The following ARAP2 variants were observed in gnomAD, a reference collection of about 807,000 sequenced individuals.
ARAP2 encodes the protein arf-GAP with Rho-GAP domain, ANK repeat and PH domain-containing protein 2.
A neutral mutation model predicts 194.5 loss-of-function variants in ARAP2; 148 were observed. The ratio of observed to expected loss-of-function variants is 0.76; its 90% confidence interval spans 0.67 to 0.87. The LOEUF is 0.87. Among genes scored for constraint, ARAP2 ranks in the 40% least tolerant of loss-of-function variants. The pLI is 0.00. For synonymous variants in ARAP2, 695 were observed against 683.5 expected, an observed-to-expected ratio of 1.02 and a Z score of -0.26; for missense variants, 2,128 against 1,989.7, an observed-to-expected ratio of 1.07 and a Z score of -1.32.
chr4:36,012,734 T>A (rs1469298652), exon 9 of ARAP2: 1 of 152,176 alleles, frequency 6.6e-6, no homozygotes, highest in African/African-American at 2.4e-5. Context: ...GAAAGGAGAT[T>A]CCAGGGTTAC....
At chr4:36,029,390 C>A (rs1268696970) in intron 5 of ARAP2, among the ~76,000 whole-genome samples, 1 of 151,836 alleles carries the variant, frequency 6.6e-6, no homozygotes, top group Non-Finnish European at 1.5e-5. Context: ...AACTGGATTC[C>A]ACCTCAACTT....
intron 8 of ARAP2, among the ~76,000 whole-genome samples, chr4:36,014,870 T>C (rs1186156927): frequency 7.9e-5 from 12 of 152,270 alleles, no homozygotes; most frequent in African/African-American, 2.9e-4. Flanking sequence ...TCTCTCCCTG[T>C]GTGAAAGATT....
chr4:36,116,169 C>T (rs1164459257), intron 25 of ARAP2, among the ~76,000 whole-genome samples: 1 of 151,896 alleles, frequency 6.6e-6, no homozygotes, highest in South Asian at 2.1e-4. Flanking sequence ...ATTAATATTT[C>T]AGCTTCATGT....
intron 32 of ARAP2, among the ~76,000 whole-genome samples, chr4:36,069,719 A>T (rs1349390712): frequency 6.6e-6 from 1 of 152,200 alleles, no homozygotes; most frequent in Non-Finnish European, 1.5e-5. Context: ...CATAATGCTG[A>T]AATTTCAAGT....
chr4:36,151,062 A>G lies in ARAP2; in HGVS notation c.2753-18T>C. 1 of 1,575,980 alleles carries G rather than the reference A, an allele frequency of 6.3e-7. No individual in the cohort carries two copies. Among genetic ancestry groups the G allele is most frequent in the Non-Finnish European group, 8.6e-7 (1 of 1,166,408 alleles). On this transcript the variant is annotated intron_variant, in intron 15 of 32. Coordinates refer to ENST00000303965, the MANE Select transcript of ARAP2 (RefSeq NM_015230.4). ...ATTTGTCTCTAAGAATTTGAAACAA[A>G]ACAAATAACAAATTGAGCTAATCAC... is the stretch of plus-strand genomic sequence containing the variant.
chr4:36,123,997 T>A (rs1277166634), intron 22 of ARAP2, among the ~76,000 whole-genome samples: 3 of 151,862 alleles, frequency 2.0e-5, no homozygotes, highest in Non-Finnish European at 4.4e-5. Context: ...TTAAAGTTTG[T>A]CTCAACATCT....
chr4:36,091,094 T>C (rs568700433), intron 28 of ARAP2, among the ~76,000 whole-genome samples: 42 of 152,228 alleles, frequency 2.8e-4, no homozygotes, highest in Admixed American at 1.4e-3. Flanking sequence ...GCTCCGTGAA[T>C]TTTAATAAAG....
At chr4:36,186,634 C>T (rs1740637916) in intron 8 of ARAP2, among the ~76,000 whole-genome samples, 1 of 152,226 alleles carries the variant, frequency 6.6e-6, no homozygotes, top group African/African-American at 2.4e-5. Flanking sequence ...TATCTACAGC[C>T]ACTCCTGGCT....
intron 5 of ARAP2, among the ~76,000 whole-genome samples, chr4:36,042,937 G>A (rs1437405285): frequency 1.3e-5 from 2 of 151,438 alleles, no homozygotes; most frequent in Non-Finnish European, 2.9e-5. Context: ...CTGCCTCCCA[G>A]GTTCAAGCAA....
chr4:36,195,488 C>A (rs1423085903), intron 6 of ARAP2, among the ~76,000 whole-genome samples: 1 of 152,228 alleles, frequency 6.6e-6, no homozygotes, highest in Non-Finnish European at 1.5e-5. Flanking sequence ...GAAATACATA[C>A]CTTCTAACAC....
At chr4:36,135,382 T>A (rs1726446516) in intron 19 of ARAP2, among the ~76,000 whole-genome samples, 1 of 151,838 alleles carries the variant, frequency 6.6e-6, no homozygotes, top group African/African-American at 2.4e-5. Context: ...CAAAGATACC[T>A]GCACCTTACC....
At chr4:36,125,678 A>G (rs563021073) in intron 21 of ARAP2, among the ~76,000 whole-genome samples, 22 of 152,136 alleles carry the variant, frequency 1.4e-4, no homozygotes, top group African/African-American at 5.3e-4. Context: ...GACTCCAAGA[A>G]GGCAAATATC....
rs188000414 is a variant in ARAP2 at position 36,044,806 on chromosome 4, G to A, written n.607+1173C>T. 8.6e-5 allele frequency among the ~76,000 whole-genome samples: 13 copies of A among 152,020 alleles called. No homozygotes were observed. In the East Asian group the frequency reaches 2.5e-3, roughly 29 times the overall value. ...TATTTTCAAATTATGCATCTGATAA[G>A]GGGATAAATTCAAAATATTTAACAA... On this transcript the variant is annotated intron_variant and non_coding_transcript_variant, in intron 5 of 12. Coordinates refer to the ARAP2 transcript ENST00000503225.
chr4:36,157,048 A>G (rs1050806668), intron 15 of ARAP2, among the ~76,000 whole-genome samples: 32 of 152,308 alleles, frequency 2.1e-4, no homozygotes, highest in African/African-American at 7.7e-4. Flanking sequence ...ATTAAAGAAG[A>G]CTAGTAATTT....
At position 36,187,486 on chromosome 4, in the gene ARAP2, G is replaced by T. The variant is rs1740834460; in HGVS notation, c.1643C>A (p.Thr548Lys). The change falls in exon 8 of 33, where the codon ACA becomes AAA. Residue 548 changes from threonine to lysine, a missense_variant. By Grantham distance (78) the Thr-to-Lys change is moderately conservative (BLOSUM62 -1). Transcript: ENST00000303965. ...QGDNKFEVVT[T>K]QRTFVFRVEK... The stretch of plus-strand genomic sequence containing the variant: ...TACTCTAAAAACAAAAGTTCTTTGT[G>T]TTGTAACAACTTCAAATTTGTTGTC... 1.3e-6 allele frequency: 2 copies of T among 1,514,226 alleles called. No homozygotes were observed. Among genetic ancestry groups the T allele is most frequent in the South Asian group, 2.6e-5 (2 of 77,668 alleles). The allele number at this position is 1,514,226 out of a possible 1,614,324, so 93.8% of individuals were successfully genotyped here.
intron 2 of ARAP2, among the ~76,000 whole-genome samples, chr4:36,221,005 C>T (rs191619600): frequency 2.6e-5 from 4 of 152,094 alleles, no homozygotes; most frequent in East Asian, 1.9e-4. Flanking sequence ...GACTCACCCA[C>T]GTTAAGTGCC....
intron 10 of ARAP2, chr4:36,006,140 A>G (rs1021744473): frequency 2.0e-5 from 3 of 152,254 alleles, no homozygotes; most frequent in African/African-American, 7.2e-5. Context: ...TAGGGGATCC[A>G]AGGACCACAA....
chr4:36,119,607 T>C (rs1722205995), intron 24 of ARAP2, 43 bp downstream of exon 24: 1 of 1,398,892 alleles, frequency 7.1e-7, no homozygotes, highest in Non-Finnish European at 1.0e-6. Flanking sequence ...ATGGAAGTTT[T>C]TGTTTTGTTT....
intron 25 of ARAP2, among the ~76,000 whole-genome samples, chr4:36,114,907 G>A (rs771865338): frequency 9.2e-5 from 14 of 151,974 alleles, no homozygotes; most frequent in Admixed American, 2.0e-4. Flanking sequence ...CCTCTTCAGG[G>A]ACTTTTGGAA....
Sources: gnomAD v4.1 joint callset for allele counts (sites outside exome capture counted in the v4.1 genomes callset) on GRCh38, gnomAD v4.1.1 for gene constraint, MANE v1.5 for transcripts, NCBI Gene and HGNC (gene_info 2026-07-23, HGNC 2026-07-21) for gene names.